THRB: variants seen among roughly 807,000 people sequenced by gnomAD.
THRB encodes thyroid hormone receptor beta, also known as nuclear receptor subfamily 1 group A member 2.
A neutral mutation model predicts 47.8 loss-of-function variants in THRB; 12 were observed. The observed-to-expected ratio is 0.25, with a 90% CI of 0.16 to 0.41. The LOEUF (loss-of-function observed/expected upper bound fraction) is 0.41, where lower values mean the gene tolerates loss of function less well. Among genes scored for constraint, THRB ranks in the 10% least tolerant of loss-of-function variants. THRB has a pLI of 1.00. For synonymous variants in THRB, 218 were observed against 212.2 expected (o/e 1.03, Z -0.24); for missense variants, 348 against 589.2 (o/e 0.59, Z 4.24).
intron 4 of THRB, among the ~76,000 whole-genome samples, chr3:24,193,190 T>C (rs996750619): frequency 1.8e-4 from 28 of 152,348 alleles, no homozygotes; most frequent in African/African-American, 5.3e-4. Context: ...GCCCATATCC[T>C]TTTGTTCCTT....
At chr3:24,320,046 C>T (rs1676332777) in intron 2 of THRB, among the ~76,000 whole-genome samples, 1 of 152,132 alleles carries the variant, frequency 6.6e-6, no homozygotes, top group African/African-American at 2.4e-5. Context: ...CAACAGAGGC[C>T]CTTCTCAGTC....
At chr3:24,481,234 T>G (rs958702476) in intron 1 of THRB, among the ~76,000 whole-genome samples, 2 of 135,386 alleles carry the variant, frequency 1.5e-5, no homozygotes, top group African/African-American at 3.0e-5. Context: ...TTTCTGTTTT[T>G]TTTTTTTTTT....
intron 3 of THRB, among the ~76,000 whole-genome samples, chr3:24,285,212 G>A (rs976253273): frequency 2.0e-5 from 3 of 148,812 alleles, no homozygotes; most frequent in African/African-American, 7.8e-5. Flanking sequence ...ACTGGATTAA[G>A]AAAATGTGGC....
At chr3:24,384,691 A>G (rs1452864729) in intron 1 of THRB, among the ~76,000 whole-genome samples, 1 of 152,152 alleles carries the variant, frequency 6.6e-6, no homozygotes, top group Non-Finnish European at 1.5e-5. Context: ...GTTCTTATAC[A>G]AGGGACCTCT....
At chr3:24,313,710 C>T (rs1295428783) in intron 2 of THRB, among the ~76,000 whole-genome samples, 1 of 152,036 alleles carries the variant, frequency 6.6e-6, no homozygotes, top group Admixed American at 6.5e-5. Flanking sequence ...ATAAGTTTCT[C>T]CTCACTGAAA....
At chr3:24,438,579 A>T (rs1251607291) in intron 1 of THRB, among the ~76,000 whole-genome samples, 2 of 151,868 alleles carry the variant, frequency 1.3e-5, no homozygotes, top group African/African-American at 4.8e-5. Flanking sequence ...GCATTATGAG[A>T]TCCACGGGAT....
At chr3:24,128,268 CAG>C (rs2033247260) in intron 9 of THRB, among the ~76,000 whole-genome samples, 1 of 152,250 alleles carries the variant, frequency 6.6e-6, no homozygotes, top group Non-Finnish European at 1.5e-5. Flanking sequence ...GGGTTGTTGG[CAG>C]AGATACATGT....
chr3:24,396,070 A>G (rs2066938240), intron 1 of THRB, among the ~76,000 whole-genome samples: 1 of 152,082 alleles, frequency 6.6e-6, no homozygotes, highest in African/African-American at 2.4e-5. Flanking sequence ...TGGTGACACA[A>G]TTCTGTGAAT....
chr3:24,145,968 T>A (rs1258268694), intron 7 of THRB, among the ~76,000 whole-genome samples: 1 of 152,186 alleles, frequency 6.6e-6, no homozygotes, highest in Non-Finnish European at 1.5e-5. Flanking sequence ...TTTTTATGAT[T>A]AGATTAATTA....
chr3:24,271,773 T>C (rs1400355467), intron 3 of THRB, among the ~76,000 whole-genome samples: 1 of 151,734 alleles, frequency 6.6e-6, no homozygotes, highest in Non-Finnish European at 1.5e-5. Flanking sequence ...ATTTTTTTCC[T>C]TGAGAAAATT....
intron 3 of THRB, among the ~76,000 whole-genome samples, chr3:24,233,595 G>GAAAGAAAGAAAGAAAGAAAGAA (rs71057660): frequency 2.8e-5 from 4 of 143,848 alleles, no homozygotes; most frequent in Non-Finnish European, 4.6e-5. Context: ...AAGAAAGAAA[G>GAAAGAAAGAAAGAAAGAAAGAA]AAAGAAAGAA....
intron 3 of THRB, among the ~76,000 whole-genome samples, chr3:24,233,611 G>GAAAT (rs1190094793): frequency 1.5e-5 from 2 of 133,104 alleles, no homozygotes; most frequent in Non-Finnish European, 3.3e-5. Context: ...AAGAAAGAAA[G>GAAAT]AAAGAGAAAG....
At chr3:24,471,626 A>C (rs1349143774) in intron 1 of THRB, among the ~76,000 whole-genome samples, 1 of 152,088 alleles carries the variant, frequency 6.6e-6, no homozygotes, top group Non-Finnish European at 1.5e-5. Context: ...TAAGCATGTC[A>C]TCCATATCTT....
chr3:24,422,130 T>G (rs2069324042), intron 1 of THRB, among the ~76,000 whole-genome samples: 1 of 151,994 alleles, frequency 6.6e-6, no homozygotes, highest in South Asian at 2.1e-4. Context: ...GACAAAGTAG[T>G]AAATAACTCA....
intron 1 of THRB, among the ~76,000 whole-genome samples, chr3:24,352,932 T>A (rs1046795575): frequency 2.4e-4 from 37 of 152,314 alleles, no homozygotes; most frequent in South Asian, 6.2e-4. Flanking sequence ...AAGCTATTTT[T>A]AAAAATGTAA....
At chr3:24,127,164 C>T (rs528017301) in intron 10 of THRB, among the ~76,000 whole-genome samples, 29 of 152,352 alleles carry the variant, frequency 1.9e-4, no homozygotes, top group Non-Finnish European at 2.8e-4. Flanking sequence ...TGGTCACTCA[C>T]ATCCATATCT....
chr3:24,352,250 T>C (rs1254557012), intron 1 of THRB, among the ~76,000 whole-genome samples: 1 of 152,196 alleles, frequency 6.6e-6, no homozygotes, highest in Non-Finnish European at 1.5e-5. Flanking sequence ...CTGTTAGTAC[T>C]ATTAAACAAA....
intron 1 of THRB, among the ~76,000 whole-genome samples, chr3:24,450,745 G>T (rs2072568907): frequency 6.6e-6 from 1 of 152,010 alleles, no homozygotes; most frequent in East Asian, 1.9e-4. Context: ...GCTTTTTTTT[G>T]AGAGAGAGAT....
intron 1 of THRB, among the ~76,000 whole-genome samples, chr3:24,347,610 T>A: frequency 6.7e-6 from 1 of 149,426 alleles, no homozygotes; most frequent in Non-Finnish European, 1.5e-5. Flanking sequence ...GAAAAAAACC[T>A]TTAAAATTTT....
Sources: allele counts gnomAD v4.1 joint callset (sites outside exome capture counted in the v4.1 genomes callset), GRCh38; gene constraint gnomAD v4.1.1; transcripts MANE v1.5; gene names NCBI Gene and HGNC (gene_info 2026-07-23, HGNC 2026-07-21).